MDGA2: variants seen among roughly 807,000 people sequenced by gnomAD.
MDGA2 encodes MAM domain-containing glycosylphosphatidylinositol anchor protein 2.
In MDGA2, 40 loss-of-function variants were observed where a neutral mutation model predicts 117.8. The ratio of observed to expected loss-of-function variants is 0.34; its 90% CI spans 0.26 to 0.44. The LOEUF (loss-of-function observed/expected upper bound fraction) is 0.44. Among genes scored for constraint, MDGA2 ranks in the 20% least tolerant of loss-of-function variants. MDGA2 has a pLI of 1.00. For missense variants in MDGA2, 1,123 were observed against 1,250.6 expected (o/e 0.90, Z 1.54); for synonymous variants, 452 against 439.0 (o/e 1.03, Z -0.37).
intron 1 of MDGA2, among the ~76,000 whole-genome samples, chr14:47,509,221 AG>A (rs1274297587): frequency 5.3e-5 from 8 of 152,366 alleles, no homozygotes; most frequent in Non-Finnish European, 1.2e-4. Context: ...CAAAAAAGAT[AG>A]AATGCTAGAA....
chr14:47,130,627 C>T (rs188132691), intron 5 of MDGA2, among the ~76,000 whole-genome samples: 7 of 152,248 alleles, frequency 4.6e-5, no homozygotes, highest in Admixed American at 2.0e-4. Flanking sequence ...GTTGGATTTG[C>T]TGACCAGCTC....
intron 1 of MDGA2, among the ~76,000 whole-genome samples, chr14:47,615,930 T>C (rs1896940677): frequency 6.6e-6 from 1 of 152,088 alleles, no homozygotes; most frequent in African/African-American, 2.4e-5. Flanking sequence ...AATGGGGTCT[T>C]TGGCACTAGC....
At chr14:47,407,807 A>T (rs1033289197) in intron 1 of MDGA2, among the ~76,000 whole-genome samples, 1 of 152,200 alleles carries the variant, frequency 6.6e-6, no homozygotes, top group Non-Finnish European at 1.5e-5. Flanking sequence ...GCCACTGGCT[A>T]AAAAGGCCTC....
chr14:47,124,415 G>A (rs536550309), intron 5 of MDGA2, among the ~76,000 whole-genome samples: 1 of 152,160 alleles, frequency 6.6e-6, no homozygotes, highest in East Asian at 1.9e-4. Flanking sequence ...GGCCATAAAT[G>A]TTCTCAATAG....
chr14:47,237,772 T>C (rs1481119669), intron 2 of MDGA2, among the ~76,000 whole-genome samples: 2 of 152,060 alleles, frequency 1.3e-5, no homozygotes, highest in African/African-American at 4.8e-5. Context: ...TTTGATCTAC[T>C]TTCTTCTACT....
intron 1 of MDGA2, among the ~76,000 whole-genome samples, chr14:47,302,087 G>A (rs1889304110): frequency 6.6e-6 from 1 of 152,124 alleles, no homozygotes; most frequent in African/African-American, 2.4e-5. Context: ...CTGTATTGAT[G>A]TAAACAAAGT....
chr14:47,091,652 A>G (rs943171944), intron 6 of MDGA2, among the ~76,000 whole-genome samples: 1 of 151,562 alleles, frequency 6.6e-6, no homozygotes, highest in East Asian at 1.9e-4. Context: ...GGATAATGAG[A>G]TTTTTTTTTG....
rs72670763 is a variant in MDGA2 at position 47,571,724 on chromosome 14, G to T, written c.280+102793C>A. Among the ~76,000 whole-genome samples, 1,227 of 150,344 alleles carry T rather than the reference G, an allele frequency of 8.2e-3. 5 individuals carry two copies. The highest frequency in any genetic ancestry group is 0.013 in the Non-Finnish European group (887 of 67,606). ...ATCAATGAGAACACATGGACATAAG[G>T]CGGGGAACATCACACAGTGGGGCCT... is the stretch of plus-strand genomic sequence containing the variant. On this transcript the variant is annotated intron_variant, in intron 1 of 16. Transcript: ENST00000399232.
intron 3 of MDGA2, among the ~76,000 whole-genome samples, chr14:47,180,848 G>T (rs1884672838): frequency 1.3e-5 from 2 of 152,128 alleles, no homozygotes; most frequent in East Asian, 3.9e-4. Flanking sequence ...TTGAACCCGG[G>T]AGAAAAAGGT....
intron 2 of MDGA2, among the ~76,000 whole-genome samples, chr14:47,227,591 G>C (rs1352382414): frequency 6.6e-6 from 1 of 151,960 alleles, no homozygotes; most frequent in Non-Finnish European, 1.5e-5. Flanking sequence ...AGTTCATTAA[G>C]GCAAGGACTA....
rs140811642 is a variant in MDGA2, at chr14:47,319,254, T to C, written c.281-17704A>G. Among the ~76,000 whole-genome samples, 579 of 152,222 alleles carry C rather than the reference T, an allele frequency of 3.8e-3. 4 individuals are homozygous for C. Among genetic ancestry groups the C allele is most frequent in the African/African-American group, 0.013 (543 of 41,534 alleles). On this transcript the variant is annotated intron_variant, in intron 1 of 16. Coordinates refer to ENST00000399232, the MANE Select transcript of MDGA2 (RefSeq NM_001113498.3). ...GGCAAGTCACAGATACTGACATTTG[T>C]AAATAACATCCTTGAGTTTGAACAA...
intron 1 of MDGA2, among the ~76,000 whole-genome samples, chr14:47,621,928 T>C (rs1380065659): frequency 6.6e-6 from 1 of 152,204 alleles, no homozygotes; most frequent in East Asian, 1.9e-4. Context: ...AACTAATACA[T>C]TATTACATAG....
chr14:47,378,524 G>T (rs1335214502), intron 1 of MDGA2, among the ~76,000 whole-genome samples: 1 of 152,172 alleles, frequency 6.6e-6, no homozygotes. Flanking sequence ...GAGCTTAAAT[G>T]ACCTGATAGA....
intron 3 of MDGA2, among the ~76,000 whole-genome samples, chr14:47,215,296 G>A (rs1886045697): frequency 6.6e-6 from 1 of 151,912 alleles, no homozygotes; most frequent in Non-Finnish European, 1.5e-5. Context: ...CAACTAAGCT[G>A]TCCAACATTC....
chr14:47,079,137 A>C (rs192441869), intron 6 of MDGA2, among the ~76,000 whole-genome samples: 15 of 152,274 alleles, frequency 9.9e-5, no homozygotes, highest in African/African-American at 3.4e-4. Flanking sequence ...ACTTGACATA[A>C]AAATTCCTTA....
At chr14:47,205,971 T>C (rs1488912633) in intron 3 of MDGA2, among the ~76,000 whole-genome samples, 1 of 152,014 alleles carries the variant, frequency 6.6e-6, no homozygotes, top group Non-Finnish European at 1.5e-5. Flanking sequence ...TACTGTACCA[T>C]ATGAAGTAGA....
intron 8 of MDGA2, among the ~76,000 whole-genome samples, chr14:47,016,051 G>T (rs1888071482): frequency 1.3e-5 from 2 of 151,988 alleles, no homozygotes; most frequent in Non-Finnish European, 2.9e-5. Context: ...TATGTTATTA[G>T]AATACAGGCA....
In MDGA2 at chr14:46,877,527, G is replaced by T; in HGVS notation, c.2417-18C>A. On this transcript the variant is annotated intron_variant, in intron 11 of 16. Coordinates refer to ENST00000399232, the MANE Select transcript of MDGA2 (RefSeq NM_001113498.3). ...TACAGGAGCTACAAGAAAAGCAAAAGAAACAAACAAACAAAAAAACAATGT... is the reference window on the plus strand; with the variant it reads ...TACAGGAGCTACAAGAAAAGCAAAATAAACAAACAAACAAAAAAACAATGT... The T allele has an allele frequency of 6.6e-7, 1 of 1,513,084 alleles. No homozygotes were observed. Among genetic ancestry groups the T allele is most frequent in the South Asian group, 1.2e-5 (1 of 81,560 alleles). 93.7% of individuals were successfully genotyped at this position (1,513,084 alleles called of 1,614,324 possible).
chr14:47,260,838 T>C (rs1044485331), intron 2 of MDGA2, among the ~76,000 whole-genome samples: 4 of 152,018 alleles, frequency 2.6e-5, no homozygotes, highest in Non-Finnish European at 5.9e-5. Context: ...TTGTACATAG[T>C]ACGTTGTACT....
Sources: allele counts gnomAD v4.1 joint callset (sites outside exome capture counted in the v4.1 genomes callset), GRCh38; gene constraint gnomAD v4.1.1; transcripts MANE v1.5; gene names NCBI Gene and HGNC (gene_info 2026-07-23, HGNC 2026-07-21).